UGT8: variants seen among roughly 807,000 people sequenced by gnomAD.
UGT8 encodes the protein 2-hydroxyacylsphingosine 1-beta-galactosyltransferase.
UGT8 carries 12 observed loss-of-function variants against 40.5 expected under a neutral mutation model. The ratio of observed to expected loss-of-function variants is 0.30; its 90% CI spans 0.19 to 0.48. The LOEUF is 0.48. Ranked by LOEUF, UGT8 falls within the 20% of genes least tolerant of loss-of-function variation. UGT8 has a pLI of 0.99. For missense variants in UGT8, 513 were observed against 648.7 expected, an observed-to-expected ratio of 0.79 and a Z score of 2.27; for synonymous variants, 224 against 240.4, an observed-to-expected ratio of 0.93 and a Z score of 0.63.
chr4:114,664,476 C>A (rs896098567), intron 3 of UGT8, among the ~76,000 whole-genome samples: 3 of 152,054 alleles, frequency 2.0e-5, no homozygotes, highest in Non-Finnish European at 4.4e-5. Flanking sequence ...TAATTGCATG[C>A]CTTTTTATAT....
At chr4:114,631,554 T>G (rs1402736248) in intron 2 of UGT8, among the ~76,000 whole-genome samples, 1 of 152,218 alleles carries the variant, frequency 6.6e-6, no homozygotes, top group Admixed American at 6.5e-5. Context: ...CAGTATTGTA[T>G]TCTCTTTCAG....
rs1164759177 is a variant in UGT8 at position 114,677,321 on chromosome 4, C to T, written c.*1033C>T. ...GATCCCTTTTATTGTCTGGGCCATACAATCTATATTACATAGGTGCCAACA... is the reference window on the plus strand; with the variant it reads ...GATCCCTTTTATTGTCTGGGCCATATAATCTATATTACATAGGTGCCAACA... On this transcript the variant is annotated 3_prime_UTR_variant, in exon 6 of 6. Transcript: ENST00000310836. 6.6e-6 allele frequency: 1 copy of T among 152,182 alleles called. No individual in the cohort carries two copies. Among genetic ancestry groups the T allele is most frequent in the African/African-American group, 2.4e-5 (1 of 41,440 alleles). 9.4% of individuals were successfully genotyped at this position (152,182 alleles called of 1,614,324 possible).
chr4:114,599,655 T>A (rs1730320749), intron 1 of UGT8, among the ~76,000 whole-genome samples: 1 of 152,144 alleles, frequency 6.6e-6, no homozygotes, highest in Admixed American at 6.5e-5. Flanking sequence ...GGGGTGCCCT[T>A]GCATTAGAGA....
Position 114,677,942 on chromosome 4 carries a change from G to A in UGT8, c.*1654G>A, listed in dbSNP as rs186612288. On this transcript the variant is annotated 3_prime_UTR_variant, in exon 6 of 6. Transcript: ENST00000310836. ...AAGTAGTTTTCTAATGTACAATGCAGACAAATGTACTGCTCTCTGAATACT... is the reference window on the plus strand; with the variant it reads ...AAGTAGTTTTCTAATGTACAATGCAAACAAATGTACTGCTCTCTGAATACT... 1 of 152,288 alleles carries A rather than the reference G, an allele frequency of 6.6e-6. No homozygotes were observed. The highest frequency in any genetic ancestry group is 1.5e-5 in the Non-Finnish European group (1 of 68,024). 9.4% of individuals were successfully genotyped at this position (152,288 alleles called of 1,614,324 possible). A position where few individuals can be genotyped will look rare whatever the true frequency, so the allele number is the denominator to read the frequency against.
At chr4:114,624,162 C>A (rs1228601075) in intron 2 of UGT8, among the ~76,000 whole-genome samples, 1 of 152,062 alleles carries the variant, frequency 6.6e-6, no homozygotes, top group East Asian at 1.9e-4. Flanking sequence ...TAGTTTATGT[C>A]CAATAATGAA....
At chr4:114,656,696 G>T in intron 2 of UGT8, 2 of 445,298 alleles carry the variant, frequency 4.5e-6, no homozygotes, top group South Asian at 3.4e-5. Flanking sequence ...ATACTTTGTT[G>T]TGATCTTGGT....
intron 1 of UGT8, among the ~76,000 whole-genome samples, chr4:114,600,255 T>G (rs563130899): frequency 6.6e-6 from 1 of 152,144 alleles, no homozygotes; most frequent in African/African-American, 2.4e-5. Context: ...TGGTAAAAAT[T>G]AGAAAAAAAC....
chr4:114,615,784 T>C (rs1287048017), intron 1 of UGT8, among the ~76,000 whole-genome samples: 1 of 152,236 alleles, frequency 6.6e-6, no homozygotes, highest in Non-Finnish European at 1.5e-5. Flanking sequence ...GTAGAACTTA[T>C]TTATGTGACT....
intron 2 of UGT8, among the ~76,000 whole-genome samples, chr4:114,626,871 C>T (rs967451798): frequency 7.9e-5 from 12 of 152,134 alleles, no homozygotes; most frequent in African/African-American, 2.7e-4. Context: ...GCTTAATACT[C>T]AAGTCAAATG....
intron 2 of UGT8, among the ~76,000 whole-genome samples, chr4:114,646,798 T>G (rs1353211735): frequency 6.6e-6 from 1 of 152,202 alleles, no homozygotes; most frequent in Non-Finnish European, 1.5e-5. Flanking sequence ...ATGACAATAT[T>G]TTTTGTTTCA....
intron 1 of UGT8, among the ~76,000 whole-genome samples, chr4:114,619,054 A>T (rs1731609942): frequency 6.6e-6 from 1 of 152,088 alleles, no homozygotes; most frequent in African/African-American, 2.4e-5. Context: ...CCAAATCATT[A>T]CTGTTTCTTT....
rs1165079106 is a variant in UGT8 at position 114,623,268 on chromosome 4, G to A, written c.388G>A (p.Glu130Lys). The change falls in exon 2 of 6, where the codon GAA (glutamate) becomes AAA (lysine). Residue 130 changes from glutamate (E) to lysine (K), a missense_variant. Coordinates refer to ENST00000310836, the MANE Select transcript of UGT8 (RefSeq NM_001128174.3). ...NHALIQGLKK[E>K]KFDLLLVDPN... ...TGCCCTGATCCAGGGTCTGAAGAAA[G>A]AAAAATTTGACCTGCTGCTGGTGGA... 5 of 1,614,142 alleles carry A rather than the reference G, an allele frequency of 3.1e-6. No homozygotes were observed. The South Asian group carries it at 4.4e-5, about 14-fold the overall frequency.
chr4:114,672,812 C>T (rs752993919), intron 5 of UGT8, among the ~76,000 whole-genome samples: 2 of 152,124 alleles, frequency 1.3e-5, no homozygotes, highest in African/African-American at 2.4e-5. Context: ...AACAACAAAA[C>T]CCCCCAAAAG....
chr4:114,605,460 C>T (rs185991887), intron 1 of UGT8, among the ~76,000 whole-genome samples: 2 of 152,004 alleles, frequency 1.3e-5, no homozygotes, highest in African/African-American at 2.4e-5. Context: ...AATTTACATT[C>T]GTATCTGATT....
chr4:114,630,568 G>A (rs1732504450), intron 2 of UGT8, among the ~76,000 whole-genome samples: 1 of 152,080 alleles, frequency 6.6e-6, no homozygotes, highest in South Asian at 2.1e-4. Flanking sequence ...TAGGAGGGAT[G>A]TGGAGCATCT....
chr4:114,653,011 G>A (rs1047852063), intron 2 of UGT8, among the ~76,000 whole-genome samples: 1 of 152,036 alleles, frequency 6.6e-6, no homozygotes, highest in African/African-American at 2.4e-5. Flanking sequence ...AGATGACCAA[G>A]CCACTCATCC....
At chr4:114,642,054 T>A in intron 2 of UGT8, among the ~76,000 whole-genome samples, 1 of 152,120 alleles carries the variant, frequency 6.6e-6, no homozygotes. Flanking sequence ...CCTTGTAAAG[T>A]AGTTGAGATG....
intron 1 of UGT8, among the ~76,000 whole-genome samples, chr4:114,616,684 G>A (rs757870290): frequency 1.5e-4 from 23 of 152,128 alleles, no homozygotes; most frequent in Non-Finnish European, 2.6e-4. Flanking sequence ...CCCGTCTTCT[G>A]CGTCACTCAT....
chr4:114,647,516 A>G (rs1733646980), intron 2 of UGT8, among the ~76,000 whole-genome samples: 2 of 152,016 alleles, frequency 1.3e-5, no homozygotes, highest in African/African-American at 4.8e-5. Context: ...CTCAGCTGCC[A>G]CCATGCCCAG....
Sources: allele counts gnomAD v4.1 joint callset (sites outside exome capture counted in the v4.1 genomes callset), GRCh38; gene constraint gnomAD v4.1.1; transcripts MANE v1.5; gene names NCBI Gene and HGNC (gene_info 2026-07-23, HGNC 2026-07-21).